The following ERBB4 variants were observed in gnomAD, a reference collection of about 807,000 sequenced individuals.
ERBB4 encodes erb-b2 receptor tyrosine kinase 4.
Under a neutral mutation model 158.0 loss-of-function variants are expected in ERBB4, and 42 were observed. That is an observed-to-expected ratio of 0.27 (90% CI 0.21 to 0.34). The LOEUF (loss-of-function observed/expected upper bound fraction) is 0.34, where lower values mean the gene tolerates loss of function less well. Among genes scored for constraint, ERBB4 ranks in the 10% least tolerant of loss-of-function variants. The pLI, the probability that ERBB4 is intolerant of heterozygous loss-of-function variation, is 1.00. For synonymous variants in ERBB4, 583 were observed against 558.7 expected (o/e 1.04, Z -0.61); for missense variants, 1,333 against 1,624.1 (o/e 0.82, Z 3.08).
At chr2:212,195,744 T>C (rs919451258) in intron 1 of ERBB4, among the ~76,000 whole-genome samples, 1 of 152,062 alleles carries the variant, frequency 6.6e-6, no homozygotes, top group Non-Finnish European at 1.5e-5. Flanking sequence ...TAAATAATAT[T>C]AAAAGCATAT....
intron 1 of ERBB4, among the ~76,000 whole-genome samples, chr2:212,323,010 G>A (rs567164383): frequency 8.7e-5 from 13 of 150,036 alleles, no homozygotes; most frequent in Admixed American, 2.0e-4. Flanking sequence ...AATAAAAATT[G>A]GATTGTTAAC....
rs371891873 is a variant in ERBB4 at position 211,701,110 on chromosome 2, T to C, written c.1489+857A>G. On this transcript the variant is annotated intron_variant, in intron 12 of 27. Transcript: ENST00000342788. ...TCAGAGTAAATAAGAAATTATTCAA[T>C]GAATCAATAAGTAGCAAAATAGATG... Among the ~76,000 whole-genome samples, 111 of 152,270 alleles carry C rather than the reference T, an allele frequency of 7.3e-4. 1 individual carries two copies. In the East Asian group the frequency reaches 0.015, roughly 21 times the overall value.
chr2:211,623,799 A>C, intron 18 of ERBB4, 123 bp downstream of exon 18: 1 of 925,786 alleles, frequency 1.1e-6, no homozygotes, highest in South Asian at 1.6e-5. Context: ...CAATATTATA[A>C]AAGTCTTCCT....
rs546107149 is a variant in ERBB4, at chr2:211,653,052, A to G, written c.1946+4702T>C. Reference sequence around the variant, plus strand: ...CAAATATTCTATTCTATCAGAATCTATATGAAAATAGCATGTATGCAAGCT... The same window carrying G: ...CAAATATTCTATTCTATCAGAATCTGTATGAAAATAGCATGTATGCAAGCT... On this transcript the variant is annotated intron_variant, in intron 16 of 27. Coordinates refer to ENST00000342788, the MANE Select transcript of ERBB4 (RefSeq NM_005235.3). Among the ~76,000 whole-genome samples, 26 of 152,336 alleles carry G rather than the reference A, an allele frequency of 1.7e-4. 1 individual carries two copies. The South Asian group carries it at 5.4e-3, about 32-fold the overall frequency.
At chr2:211,831,719 T>G (rs916870068) in intron 3 of ERBB4, among the ~76,000 whole-genome samples, 17 of 151,978 alleles carry the variant, frequency 1.1e-4, no homozygotes, top group African/African-American at 3.6e-4. Context: ...CTGGCCAACA[T>G]GGTGAAACCC....
chr2:211,899,651 A>C (rs2079183438), intron 3 of ERBB4, among the ~76,000 whole-genome samples: 1 of 152,148 alleles, frequency 6.6e-6, no homozygotes, highest in Admixed American at 6.5e-5. Flanking sequence ...TGTGATTTAC[A>C]GGTTATAGAA....
intron 1 of ERBB4, among the ~76,000 whole-genome samples, chr2:212,407,857 T>C (rs1466143257): frequency 6.6e-6 from 1 of 152,032 alleles, no homozygotes; most frequent in African/African-American, 2.4e-5. Flanking sequence ...ATGCATTAAG[T>C]AGATATGCTT....
intron 1 of ERBB4, among the ~76,000 whole-genome samples, chr2:212,240,517 CAGCTACTCAGG>C (rs1253811916): frequency 1.3e-5 from 2 of 151,248 alleles, no homozygotes; most frequent in Non-Finnish European, 2.9e-5. Context: ...CCTGTATTCC[CAGCTACTCAGG>C]AGGCTGAGGC....
At chr2:212,312,990 T>A (rs2087115824) in intron 1 of ERBB4, among the ~76,000 whole-genome samples, 1 of 151,032 alleles carries the variant, frequency 6.6e-6, no homozygotes, top group South Asian at 2.1e-4. Flanking sequence ...TGTCTTTTTT[T>A]AATTTTCAAA....
In ERBB4 at chr2:211,497,901, CAA is replaced by C. The variant is rs568489855; in HGVS notation, c.2487+64000_2487+64001del. 2.6e-5 allele frequency among the ~76,000 whole-genome samples: 4 copies of C among 152,172 alleles called. No individual in the cohort carries two copies. In the South Asian group the frequency reaches 8.3e-4, roughly 32 times the overall value. The stretch of plus-strand genomic sequence containing the variant: ...TTTTTGTCTAACTAGAAAACACAGA[CAA>C]GAGGAAACTTCAAAAGCCTCTACGT... On this transcript the variant is annotated intron_variant, in intron 20 of 27. Transcript: ENST00000342788.
chr2:212,359,081 T>A (rs1233207759), intron 1 of ERBB4, among the ~76,000 whole-genome samples: 1 of 151,656 alleles, frequency 6.6e-6, no homozygotes, highest in East Asian at 1.9e-4. Context: ...AACATCATAT[T>A]TTGCCACATA....
intron 1 of ERBB4, among the ~76,000 whole-genome samples, chr2:212,193,623 A>C (rs954170524): frequency 6.6e-6 from 1 of 152,080 alleles, no homozygotes; most frequent in Admixed American, 6.6e-5. Flanking sequence ...CTATAATTGC[A>C]GTTCTAAAGA....
intron 3 of ERBB4, among the ~76,000 whole-genome samples, chr2:211,833,307 C>T (rs925763678): frequency 9.2e-5 from 14 of 152,078 alleles, no homozygotes; most frequent in African/African-American, 2.4e-4. Context: ...AGTCTAAGGA[C>T]GTCTTAGTTT....
rs1233127697 is a variant in ERBB4, at chr2:211,647,490, C to T, written c.1946+10264G>A. On this transcript the variant is annotated intron_variant, in intron 16 of 27. Coordinates refer to ENST00000342788, the MANE Select transcript of ERBB4 (RefSeq NM_005235.3). ...AATTCAACACATCCGAAACTAAACA[C>T]AGGATGACTAATTTAGCACCCTTCT... is the stretch of plus-strand genomic sequence containing the variant. 2.6e-5 allele frequency among the ~76,000 whole-genome samples: 4 copies of T among 151,540 alleles called. No homozygotes were observed. The East Asian group carries it at 7.7e-4, about 29-fold the overall frequency.
intron 27 of ERBB4, among the ~76,000 whole-genome samples, chr2:211,386,247 T>C (rs548189678): frequency 2.0e-5 from 3 of 152,358 alleles, no homozygotes; most frequent in Non-Finnish European, 4.4e-5. Context: ...TACAAAATTA[T>C]TGTTATGCTT....
chr2:211,409,531 A>C (rs1055359024), intron 25 of ERBB4, among the ~76,000 whole-genome samples: 2 of 152,012 alleles, frequency 1.3e-5, no homozygotes, highest in Non-Finnish European at 2.9e-5. Context: ...TTTTGCTCTG[A>C]TTTTGGCTCT....
intron 2 of ERBB4, among the ~76,000 whole-genome samples, chr2:211,970,362 T>G (rs2081417867): frequency 6.6e-6 from 1 of 152,206 alleles, no homozygotes; most frequent in Admixed American, 6.5e-5. Flanking sequence ...TATATTCTGT[T>G]GTTTTGTGGT....
intron 19 of ERBB4, among the ~76,000 whole-genome samples, chr2:211,609,364 C>T (rs562229979): frequency 1.3e-5 from 2 of 152,264 alleles, no homozygotes; most frequent in East Asian, 1.9e-4. Context: ...GAGAAATCAA[C>T]AAGAATTTAG....
intron 1 of ERBB4, among the ~76,000 whole-genome samples, chr2:212,297,491 A>T (rs1180729380): frequency 6.6e-6 from 1 of 151,936 alleles, no homozygotes; most frequent in African/African-American, 2.4e-5. Context: ...TTGGTCATAA[A>T]TGTTATAACA....
Sources: gnomAD v4.1 joint callset for allele counts (sites outside exome capture counted in the v4.1 genomes callset) on GRCh38, gnomAD v4.1.1 for gene constraint, MANE v1.5 for transcripts, NCBI Gene and HGNC (gene_info 2026-07-23, HGNC 2026-07-21) for gene names.